RALGAPA2: variants seen among roughly 807,000 people sequenced by gnomAD.
RALGAPA2 encodes the protein ral GTPase-activating protein subunit alpha-2.
Under a neutral mutation model 230.4 loss-of-function variants are expected in RALGAPA2, and 139 were observed. The observed-to-expected ratio is 0.60, with a 90% confidence interval of 0.53 to 0.69. The LOEUF (loss-of-function observed/expected upper bound fraction) is 0.69. Ranked by LOEUF, RALGAPA2 falls within the 30% of genes least tolerant of loss-of-function variation. RALGAPA2 has a pLI of 0.00. For synonymous variants in RALGAPA2, 847 were observed against 837.8 expected (o/e 1.01, Z -0.19); for missense variants, 2,163 against 2,276.0 (o/e 0.95, Z 1.01).
At chr20:20,396,390 C>A (rs895391602) in intron 39 of RALGAPA2, among the ~76,000 whole-genome samples, 5 of 152,270 alleles carry the variant, frequency 3.3e-5, no homozygotes, top group Admixed American at 3.3e-4. Context: ...GCGGCCCCAG[C>A]GCCCGCTGGC....
chr20:20,447,095 T>C (rs928435816), intron 37 of RALGAPA2, among the ~76,000 whole-genome samples: 1 of 152,210 alleles, frequency 6.6e-6, no homozygotes, highest in African/African-American at 2.4e-5. Flanking sequence ...GTGCTTTTCA[T>C]TTCATTAAGA....
chr20:20,460,203 C>T (rs1429641145), intron 37 of RALGAPA2, among the ~76,000 whole-genome samples: 1 of 152,196 alleles, frequency 6.6e-6, no homozygotes, highest in Non-Finnish European at 1.5e-5. Context: ...CTGCTGCATC[C>T]ATCAGCTCAA....
chr20:20,533,669 A>G (rs2063425465), intron 26 of RALGAPA2, among the ~76,000 whole-genome samples: 1 of 152,232 alleles, frequency 6.6e-6, no homozygotes, highest in African/African-American at 2.4e-5. Context: ...ACTATGCCCA[A>G]CAAAGAACTG....
intron 1 of RALGAPA2, among the ~76,000 whole-genome samples, chr20:20,694,055 G>A (rs1485384221): frequency 6.6e-6 from 1 of 151,946 alleles, no homozygotes; most frequent in Non-Finnish European, 1.5e-5. Flanking sequence ...AGTGAGCCAT[G>A]ATTGAGCCAC....
At chr20:20,615,962 A>C (rs2066129033) in intron 13 of RALGAPA2, 81 bp downstream of exon 13, 1 of 1,108,234 alleles carries the variant, frequency 9.0e-7, no homozygotes, top group Non-Finnish European at 1.2e-6. Flanking sequence ...ACATTAAATA[A>C]ATGCAAGCCT....
intron 3 of RALGAPA2, among the ~76,000 whole-genome samples, chr20:20,672,319 G>A (rs1482660159): frequency 1.3e-5 from 2 of 152,180 alleles, no homozygotes; most frequent in Non-Finnish European, 2.9e-5. Context: ...CACTGTGAAT[G>A]AGAGGCAGCT....
intron 7 of RALGAPA2, 145 bp from the exon 8 acceptor site, chr20:20,637,646 T>A (rs983873880): frequency 2.6e-6 from 2 of 769,622 alleles, no homozygotes; most frequent in Non-Finnish European, 4.0e-6. Context: ...AATGAAATAA[T>A]AACAAAGCTC....
chr20:20,555,127 T>C (rs977414032), intron 23 of RALGAPA2, among the ~76,000 whole-genome samples: 1 of 152,180 alleles, frequency 6.6e-6, no homozygotes, highest in Non-Finnish European at 1.5e-5. Flanking sequence ...TCCAACTTCA[T>C]CCATTTGCAT....
chr20:20,622,035 C>G (rs1281207419), intron 10 of RALGAPA2, among the ~76,000 whole-genome samples: 1 of 152,100 alleles, frequency 6.6e-6, no homozygotes, highest in Non-Finnish European at 1.5e-5. Context: ...ATCGAGATAA[C>G]TGTGGTATCA....
chr20:20,494,512 T>C (rs1004627836), intron 36 of RALGAPA2, among the ~76,000 whole-genome samples: 2 of 152,198 alleles, frequency 1.3e-5, no homozygotes, highest in South Asian at 4.1e-4. Flanking sequence ...AGCACACAGA[T>C]CATTGGATTG....
At chr20:20,439,730 T>G (rs1002593059) in intron 37 of RALGAPA2, among the ~76,000 whole-genome samples, 56 of 152,322 alleles carry the variant, frequency 3.7e-4, no homozygotes, top group African/African-American at 1.3e-3. Flanking sequence ...ACAGGTAATT[T>G]AATTCCATAA....
At chr20:20,603,757 C>T (rs145447236) in intron 15 of RALGAPA2, among the ~76,000 whole-genome samples, 1 of 152,310 alleles carries the variant, frequency 6.6e-6, no homozygotes, top group East Asian at 1.9e-4. Context: ...GAGTCCAACC[C>T]AAATTGCCAA....
chr20:20,461,393 A>G (rs2061299993), intron 37 of RALGAPA2, among the ~76,000 whole-genome samples: 1 of 152,180 alleles, frequency 6.6e-6, no homozygotes, highest in African/African-American at 2.4e-5. Context: ...ACTGAGTTCA[A>G]TTTTTTTAAT....
chr20:20,461,059 T>C (rs955169787), intron 37 of RALGAPA2, among the ~76,000 whole-genome samples: 2 of 152,218 alleles, frequency 1.3e-5, no homozygotes, highest in African/African-American at 4.8e-5. Flanking sequence ...TCTGCAAAAA[T>C]TATATGCATT....
intron 3 of RALGAPA2, among the ~76,000 whole-genome samples, chr20:20,656,695 T>G (rs1321509978): frequency 6.6e-6 from 1 of 152,178 alleles, no homozygotes; most frequent in African/African-American, 2.4e-5. Flanking sequence ...CAGAATATCT[T>G]AATAAGAACC....
chr20:20,575,582 C>CAGTG (rs1410385712), intron 20 of RALGAPA2, among the ~76,000 whole-genome samples: 1 of 152,074 alleles, frequency 6.6e-6, no homozygotes, highest in African/African-American at 2.4e-5. Flanking sequence ...AAGCAGTGGC[C>CAGTG]AGTGGCAACA....
intron 31 of RALGAPA2, among the ~76,000 whole-genome samples, chr20:20,518,297 C>T (rs2062935900): frequency 6.6e-6 from 1 of 152,160 alleles, no homozygotes; most frequent in Non-Finnish European, 1.5e-5. Flanking sequence ...CCTCGTGATC[C>T]ACCTGCCTTG....
In RALGAPA2 at chr20:20,629,559, G is replaced by T. The variant is rs181111036; in HGVS notation, c.1037C>A (p.Ala346Glu). The T allele has an allele frequency of 6.2e-7, 1 of 1,613,512 alleles. No homozygotes were observed. The highest frequency in any genetic ancestry group is 1.3e-5 in the African/African-American group (1 of 74,994). Residue 346 changes from alanine to glutamate, a missense_variant, in exon 10 of 40, where the codon GCG becomes GAG. By Grantham distance (107) the Ala-to-Glu change is moderately radical (BLOSUM62 -1). Coordinates refer to ENST00000202677, the MANE Select transcript of RALGAPA2 (RefSeq NM_020343.4). Reference protein sequence around the residue: ...TVGGGAVQERAPELDGGGPTE... With the variant: ...TVGGGAVQEREPELDGGGPTE... ...GGGCCCACCACCATCCAGCTCAGGC[G>T]CTCTCTCCTGCACAGCACCACCACC...
chr20:20,610,881 A>G (rs914604029), intron 14 of RALGAPA2, among the ~76,000 whole-genome samples: 9 of 151,948 alleles, frequency 5.9e-5, no homozygotes, highest in African/African-American at 2.4e-5. Context: ...CTCCTCACTC[A>G]CTGGCCACCC....
Sources: gnomAD v4.1 joint callset for allele counts (sites outside exome capture counted in the v4.1 genomes callset) on GRCh38, gnomAD v4.1.1 for gene constraint, MANE v1.5 for transcripts, NCBI Gene and HGNC (gene_info 2026-07-23, HGNC 2026-07-21) for gene names.